The following GPC5 variants were observed in gnomAD, a reference collection of about 807,000 sequenced individuals.
The protein encoded by GPC5 is glypican 5, also known as glypican-5.
GPC5 carries 47 observed loss-of-function variants against 53.9 expected under a neutral mutation model. The ratio of observed to expected loss-of-function variants is 0.87; its 90% CI spans 0.69 to 1.11. The LOEUF is 1.11. Among genes scored for constraint, GPC5 ranks in the 50% most tolerant of loss-of-function variants. The pLI, the probability that GPC5 is intolerant of heterozygous loss-of-function variation, is 0.00. For missense variants in GPC5, 748 were observed against 713.1 expected (o/e 1.05, Z -0.56); for synonymous variants, 286 against 263.3 (o/e 1.09, Z -0.84).
At chr13:91,806,326 C>A (rs2038221144) in intron 5 of GPC5, among the ~76,000 whole-genome samples, 1 of 151,874 alleles carries the variant, frequency 6.6e-6, no homozygotes, top group Non-Finnish European at 1.5e-5. Flanking sequence ...TGAGCCACCG[C>A]ACCTGGCCAA....
At chr13:91,683,355 T>C (rs373196384) in intron 2 of GPC5, among the ~76,000 whole-genome samples, 3 of 152,194 alleles carry the variant, frequency 2.0e-5, no homozygotes, top group South Asian at 4.1e-4. Flanking sequence ...TTGGGATGCC[T>C]GGCATCTAGA....
chr13:91,780,400 C>A (rs1297411592), intron 5 of GPC5, among the ~76,000 whole-genome samples: 1 of 152,128 alleles, frequency 6.6e-6, no homozygotes, highest in Admixed American at 6.5e-5. Context: ...CTCATGTATT[C>A]ATTATCTTGT....
chr13:91,577,728 C>T (rs1178113425), intron 2 of GPC5, among the ~76,000 whole-genome samples: 1 of 152,234 alleles, frequency 6.6e-6, no homozygotes, highest in East Asian at 1.9e-4. Flanking sequence ...ATGGACTTCT[C>T]AAAAAGTTGT....
At chr13:92,675,480 A>G (rs1212617765) in intron 7 of GPC5, among the ~76,000 whole-genome samples, 1 of 152,084 alleles carries the variant, frequency 6.6e-6, no homozygotes, top group Non-Finnish European at 1.5e-5. Flanking sequence ...GTATGATATC[A>G]TGATACAAAG....
chr13:91,633,828 T>G (rs1339169218), intron 2 of GPC5, among the ~76,000 whole-genome samples: 1 of 152,142 alleles, frequency 6.6e-6, no homozygotes, highest in Non-Finnish European at 1.5e-5. Context: ...CTCTTTGCCT[T>G]ACTCTTTACT....
Position 92,243,645 on chromosome 13 carries a change from G to T in GPC5, c.1561+98656G>T, listed in dbSNP as rs1397086889. Among the ~76,000 whole-genome samples the T allele has an allele frequency of 2.0e-5, 3 of 152,026 alleles. No individual in the cohort carries two copies. The South Asian group carries it at 6.2e-4, about 32-fold the overall frequency. On this transcript the variant is annotated intron_variant, in intron 7 of 7. Transcript: ENST00000377067. ...TTGTCATTTATTGAAGTGTAGAAATGATAGGTGTGATAGGAAATTAAGATA... is the reference window on the plus strand; with the variant it reads ...TTGTCATTTATTGAAGTGTAGAAATTATAGGTGTGATAGGAAATTAAGATA...
At chr13:91,866,001 G>A (rs914062823) in intron 5 of GPC5, among the ~76,000 whole-genome samples, 2 of 152,132 alleles carry the variant, frequency 1.3e-5, no homozygotes, top group African/African-American at 4.8e-5. Context: ...CCAAGTAGCT[G>A]GGATTATAGG....
rs940823143 is a variant in GPC5, at chr13:91,830,756, A to G, written c.1280+74336A>G. The stretch of plus-strand genomic sequence containing the variant: ...TATATATGTATATAAATATACACAT[A>G]TATATATCCTATTATATATAAAATA... On this transcript the variant is annotated intron_variant, in intron 5 of 7. Coordinates refer to ENST00000377067, the MANE Select transcript of GPC5 (RefSeq NM_004466.6). 5.7e-5 allele frequency among the ~76,000 whole-genome samples: 8 copies of G among 140,562 alleles called. No individual in the cohort carries two copies. In the Admixed American group the frequency reaches 6.1e-4, roughly 11 times the overall value. 92.2% of individuals were successfully genotyped at this position (140,562 alleles called of 152,430 possible). A position where few individuals can be genotyped will look rare whatever the true frequency, so the allele number is the denominator to read the frequency against.
intron 7 of GPC5, among the ~76,000 whole-genome samples, chr13:92,453,321 A>G (rs142044527): frequency 6.6e-6 from 1 of 152,302 alleles, no homozygotes; most frequent in East Asian, 1.9e-4. Flanking sequence ...TCTTGCTAAT[A>G]TAATCTTGAT....
chr13:92,345,255 G>C (rs2043401121), intron 7 of GPC5, among the ~76,000 whole-genome samples: 1 of 152,002 alleles, frequency 6.6e-6, no homozygotes, highest in African/African-American at 2.4e-5. Flanking sequence ...TTGTGAGGAA[G>C]AACTATGTGA....
intron 6 of GPC5, among the ~76,000 whole-genome samples, chr13:91,984,241 G>A (rs1042597672): frequency 1.3e-5 from 2 of 152,120 alleles, no homozygotes; most frequent in African/African-American, 4.8e-5. Context: ...GGCAGTTATT[G>A]TAGACAACTG....
chr13:91,786,689 T>C (rs966759200), intron 5 of GPC5, among the ~76,000 whole-genome samples: 45 of 152,196 alleles, frequency 3.0e-4, no homozygotes, highest in Non-Finnish European at 1.8e-4. Context: ...CTTTAAACTA[T>C]AATATTTATG....
At chr13:92,439,105 T>C (rs1446923563) in intron 7 of GPC5, among the ~76,000 whole-genome samples, 1 of 152,080 alleles carries the variant, frequency 6.6e-6, no homozygotes, top group Non-Finnish European at 1.5e-5. Flanking sequence ...GGGAAGGGTG[T>C]GGAGTCTAAG....
At chr13:91,506,002 T>C (rs1295508105) in intron 2 of GPC5, among the ~76,000 whole-genome samples, 1 of 152,126 alleles carries the variant, frequency 6.6e-6, no homozygotes, top group Admixed American at 6.6e-5. Context: ...ACAAAGGTGA[T>C]ATATTTGTGT....
At chr13:92,624,462 TCA>T (rs1366333682) in intron 7 of GPC5, among the ~76,000 whole-genome samples, 6 of 152,204 alleles carry the variant, frequency 3.9e-5, no homozygotes, top group Non-Finnish European at 8.8e-5. Context: ...CCATGTCCAT[TCA>T]CACATTTTTC....
At chr13:92,815,574 A>G (rs1159274638) in intron 7 of GPC5, among the ~76,000 whole-genome samples, 1 of 151,964 alleles carries the variant, frequency 6.6e-6, no homozygotes, top group Non-Finnish European at 1.5e-5. Context: ...CCAGTGGAAT[A>G]CTATAAGCAG....
chr13:92,370,048 T>G (rs2139292850), intron 7 of GPC5, among the ~76,000 whole-genome samples: 1 of 152,318 alleles, frequency 6.6e-6, no homozygotes, highest in East Asian at 1.9e-4. Context: ...ACTAAAACCA[T>G]CTTTCAAGTC....
intron 7 of GPC5, among the ~76,000 whole-genome samples, chr13:92,220,297 T>C (rs1224329934): frequency 2.6e-5 from 4 of 152,158 alleles, no homozygotes; most frequent in African/African-American, 4.8e-5. Context: ...TTACATTTTA[T>C]TGGGGTGGCA....
chr13:91,955,771 G>A (rs1359283438), intron 6 of GPC5, among the ~76,000 whole-genome samples: 1 of 152,176 alleles, frequency 6.6e-6, no homozygotes, highest in Admixed American at 6.5e-5. Context: ...GCTGCAGCAT[G>A]GTGCCATTTG....
Sources: gnomAD v4.1 joint callset for allele counts (sites outside exome capture counted in the v4.1 genomes callset) on GRCh38, gnomAD v4.1.1 for gene constraint, MANE v1.5 for transcripts, NCBI Gene and HGNC (gene_info 2026-07-23, HGNC 2026-07-21) for gene names.